The following ARHGAP17 variants were observed in gnomAD, a reference collection of about 807,000 sequenced individuals.
ARHGAP17 encodes the protein Rho GTPase activating protein 17.
In ARHGAP17, 57 loss-of-function variants were observed where a neutral mutation model predicts 99.5. That is an observed-to-expected ratio of 0.57 (90% confidence interval 0.46 to 0.71). ARHGAP17 has a LOEUF of 0.71. Ranked by LOEUF, ARHGAP17 falls within the 30% of genes least tolerant of loss-of-function variation. ARHGAP17 has a pLI of 0.00. For synonymous variants in ARHGAP17, 417 were observed against 429.6 expected, an observed-to-expected ratio of 0.97 and a Z score of 0.36; for missense variants, 1,000 against 1,122.4, an observed-to-expected ratio of 0.89 and a Z score of 1.56.
chr16:24,943,183 G>T (rs999079999), intron 15 of ARHGAP17, among the ~76,000 whole-genome samples: 1 of 152,312 alleles, frequency 6.6e-6, no homozygotes, highest in Admixed American at 6.5e-5. Flanking sequence ...AAAATCTATT[G>T]CCAGCAGGAT....
At chr16:25,005,745 C>T (rs1046265076) in intron 1 of ARHGAP17, among the ~76,000 whole-genome samples, 1 of 152,126 alleles carries the variant, frequency 6.6e-6, no homozygotes, top group African/African-American at 2.4e-5. Context: ...TGTAAGAACA[C>T]ATTCATTTTG....
chr16:24,989,142 G>C (rs1000551214), intron 1 of ARHGAP17, among the ~76,000 whole-genome samples: 1 of 152,108 alleles, frequency 6.6e-6, no homozygotes, highest in African/African-American at 2.4e-5. Flanking sequence ...CCAAGGCCAG[G>C]CCACACAATG....
At chr16:24,989,500 T>G (rs1284504472) in intron 1 of ARHGAP17, among the ~76,000 whole-genome samples, 3 of 151,766 alleles carry the variant, frequency 2.0e-5, no homozygotes, top group Admixed American at 2.0e-4. Context: ...TCCTGGAGGC[T>G]CTGAAAATAA....
chr16:25,012,241 G>GT (rs2053661501), intron 1 of ARHGAP17, among the ~76,000 whole-genome samples: 1 of 152,148 alleles, frequency 6.6e-6, no homozygotes, highest in Non-Finnish European at 1.5e-5. Context: ...CCTTGCCCCT[G>GT]TGAGTTTCAG....
rs1005317384 is a variant in ARHGAP17, at chr16:24,970,531, G to C, written c.248C>G (p.Thr83Ser). 2 of 1,614,060 alleles carry C rather than the reference G, an allele frequency of 1.2e-6. No individual in the cohort carries two copies. Among genetic ancestry groups the C allele is most frequent in the Non-Finnish European group, 1.7e-6 (2 of 1,180,016 alleles). The stretch of plus-strand genomic sequence containing the variant: ...CCCCAGGAGAGAGTCTTCCAGCTGA[G>C]TCGATGCTTCTTGCATATTTTGAGC... Reference protein sequence around the residue: ...ALAQNMQEASTQLEDSLLGKM... With the variant: ...ALAQNMQEASSQLEDSLLGKM... Residue 83 changes from threonine to serine, a missense_variant, in exon 4 of 20, where the codon ACT becomes AGT. Physicochemically the swap from Thr to Ser is moderately conservative, Grantham distance 58. Around this residue, in one of 2 missense-constraint regions of ARHGAP17, gnomAD observed 472 missense variants for 611.1 expected, o/e 0.77. Transcript: ENST00000289968.
chr16:24,968,449 ATGGG>A, intron 5 of ARHGAP17, 22 bp from the exon 6 acceptor site: 1 of 1,613,134 alleles, frequency 6.2e-7, no homozygotes, highest in Non-Finnish European at 8.5e-7. Flanking sequence ...AACATACCAA[ATGGG>A]ATGCACTTCA....
At chr16:24,938,785 AAAAAAAG>A (rs931924466) in intron 17 of ARHGAP17, among the ~76,000 whole-genome samples, 8 of 151,688 alleles carry the variant, frequency 5.3e-5, no homozygotes, top group Non-Finnish European at 8.8e-5. Flanking sequence ...AAAAAAAAAA[AAAAAAAG>A]AAAAAAGAAA....
At chr16:24,998,056 G>A (rs2053248294) in intron 1 of ARHGAP17, among the ~76,000 whole-genome samples, 1 of 151,986 alleles carries the variant, frequency 6.6e-6, no homozygotes, top group Non-Finnish European at 1.5e-5. Flanking sequence ...GAGAACCAGG[G>A]CAGGGGACAG....
At chr16:24,995,407 G>C (rs1252653156) in intron 1 of ARHGAP17, among the ~76,000 whole-genome samples, 1 of 152,212 alleles carries the variant, frequency 6.6e-6, no homozygotes, top group African/African-American at 2.4e-5. Flanking sequence ...TGGAAACCCA[G>C]AGGCTGGATA....
chr16:24,998,466 GC>G (rs146214091), intron 1 of ARHGAP17, among the ~76,000 whole-genome samples: 5,678 of 152,132 alleles, frequency 0.037, 340 homozygotes, highest in African/African-American at 0.13. Flanking sequence ...GTCAACCTGG[GC>G]CTCAGACACT....
At chr16:24,964,392 C>A in intron 6 of ARHGAP17, 84 bp from the exon 7 acceptor site, 1 of 906,142 alleles carries the variant, frequency 1.1e-6, no homozygotes, top group Non-Finnish European at 1.7e-6. Context: ...GAGATAGATC[C>A]TTCCCCACAA....
rs771954263 is a variant in ARHGAP17, at chr16:24,930,857, T to C, written c.2442A>G (p.Gln814=). The C allele has an allele frequency of 6.8e-6, 11 of 1,613,010 alleles. No individual in the cohort carries two copies. The highest frequency in any genetic ancestry group is 9.3e-6 in the Non-Finnish European group (11 of 1,179,704). Residue 814 remains glutamine, a synonymous_variant, in exon 19 of 20, where the codon CAA becomes CAG. Coordinates refer to ENST00000289968, the MANE Select transcript of ARHGAP17 (RefSeq NM_001006634.3). The part of the protein sequence containing the change: ...RNRPSVPPPP[Q]PPGVHSAGDS... ...CCCCAGCTGAGTGGACACCAGGAGG[T>C]TGGGGGGGTGGGGGCACGCTGGGCC...
chr16:24,982,978 ATATATATATATATATATATTTTTTTTT>A (rs1156482500), intron 1 of ARHGAP17, among the ~76,000 whole-genome samples: 7 of 20,456 alleles, frequency 3.4e-4, no homozygotes, highest in South Asian at 2.9e-3. Context: ...ATATATATAT[ATATATATATATATATATATTTTTTTTT>A]TTTTTTTTTT....
At chr16:24,985,022 C>G (rs897298603) in intron 1 of ARHGAP17, among the ~76,000 whole-genome samples, 6 of 152,112 alleles carry the variant, frequency 3.9e-5, no homozygotes, top group African/African-American at 1.4e-4. Flanking sequence ...TATATCCTTC[C>G]CAATTTGTTT....
intron 19 of ARHGAP17, among the ~76,000 whole-genome samples, chr16:24,928,419 A>G (rs1377181452): frequency 6.6e-6 from 1 of 152,242 alleles, no homozygotes; most frequent in African/African-American, 2.4e-5. Flanking sequence ...TACAGGCAGT[A>G]TATTACAGTG....
At chr16:24,933,026 C>T (rs1209128575) in intron 18 of ARHGAP17, among the ~76,000 whole-genome samples, 2 of 152,060 alleles carry the variant, frequency 1.3e-5, no homozygotes, top group African/African-American at 4.8e-5. Flanking sequence ...CTCTGTTATC[C>T]CCATTTTCAC....
intron 17 of ARHGAP17, among the ~76,000 whole-genome samples, chr16:24,938,773 GAAA>G (rs111587139): frequency 2.8e-4 from 23 of 81,228 alleles, no homozygotes; most frequent in Middle Eastern, 7.5e-3. Flanking sequence ...CGCAGTCTCA[GAAA>G]AAAAAAAAAA....
chr16:24,939,336 C>T (rs1191638442), intron 17 of ARHGAP17, 28 bp downstream of exon 17: 6 of 1,558,746 alleles, frequency 3.8e-6, no homozygotes, highest in Non-Finnish European at 5.2e-6. Flanking sequence ...GTCCAGCCTC[C>T]ACTGCCAGCA....
chr16:24,964,722 T>C (rs1440731914), intron 6 of ARHGAP17, among the ~76,000 whole-genome samples: 2 of 152,224 alleles, frequency 1.3e-5, no homozygotes, highest in African/African-American at 2.4e-5. Context: ...AATCAGCTCC[T>C]GCTTTTGAGA....
Sources: gnomAD v4.1 joint callset for allele counts (sites outside exome capture counted in the v4.1 genomes callset) on GRCh38, gnomAD v4.1.1 for gene constraint, gnomAD v4.1.1 regional missense constraint, MANE v1.5 for transcripts, NCBI Gene and HGNC (gene_info 2026-07-23, HGNC 2026-07-21) for gene names.